FRY: variants seen among roughly 807,000 people sequenced by gnomAD.
FRY encodes protein furry homolog.
A neutral mutation model predicts 348.4 loss-of-function variants in FRY; 128 were observed. That is an observed-to-expected ratio of 0.37 (90% confidence interval 0.32 to 0.43). The LOEUF is 0.43. FRY is among the 20% of genes least tolerant of loss of function. The pLI, the probability that FRY is intolerant of heterozygous loss-of-function variation, is 1.00. For missense variants in FRY, 2,736 were observed against 3,695.2 expected, an observed-to-expected ratio of 0.74 and a Z score of 6.73; for synonymous variants, 1,370 against 1,374.7, an observed-to-expected ratio of 1.00 and a Z score of 0.08.
chr13:32,247,597 G>C, intron 48 of FRY, 95 bp downstream of exon 48: 4 of 990,712 alleles, frequency 4.0e-6, no homozygotes, highest in Middle Eastern at 2.5e-4. Flanking sequence ...AGACTTATTT[G>C]ACAGTTATTT....
rs1420586838 is a variant in FRY, at chr13:32,183,104, G to C, written c.3054+70G>C. The C allele has an allele frequency of 1.2e-5, 11 of 881,196 alleles. No individual in the cohort carries two copies. The Admixed American group carries it at 2.0e-4, about 16-fold the overall frequency. 54.6% of individuals were successfully genotyped at this position (881,196 alleles called of 1,614,324 possible). A position where few individuals can be genotyped will look rare whatever the true frequency, so the allele number is the denominator to read the frequency against. Reference sequence around the variant, plus strand: ...ATCATCTGAATTTAAATCAAACCTAGTGATTTCCCCTAAAGAATACAAACC... The same window carrying C: ...ATCATCTGAATTTAAATCAAACCTACTGATTTCCCCTAAAGAATACAAACC... On this transcript the variant is annotated intron_variant, in intron 24 of 60. Coordinates refer to ENST00000542859, the MANE Select transcript of FRY (RefSeq NM_023037.3).
intron 28 of FRY, among the ~76,000 whole-genome samples, chr13:32,188,257 T>C (rs1883139844): frequency 6.6e-6 from 1 of 152,152 alleles, no homozygotes; most frequent in Non-Finnish European, 1.5e-5. Flanking sequence ...ACTCCATGCC[T>C]AAAGAATCCA....
At chr13:32,277,251 G>A (rs1470226467) in intron 57 of FRY, among the ~76,000 whole-genome samples, 1 of 152,192 alleles carries the variant, frequency 6.6e-6, no homozygotes, top group East Asian at 1.9e-4. Flanking sequence ...TCACAGCTCA[G>A]TTATTTAACG....
rs9534052 is a variant in FRY at position 32,283,637 on chromosome 13, T to G, written c.8469+5089T>G. On this transcript the variant is annotated intron_variant, in intron 58 of 60. Transcript: ENST00000542859. The stretch of plus-strand genomic sequence containing the variant: ...TTTCTAAGCAATTTATTTCCAATAT[T>G]TGGGAAGTATATTTTGGGGCTCTTT... 4.0e-3 allele frequency among the ~76,000 whole-genome samples: 615 copies of G among 152,308 alleles called. 3 individuals are homozygous for G. The highest frequency in any genetic ancestry group is 0.011 in the South Asian group (54 of 4,818).
In FRY at chr13:32,278,512, A is replaced by G. The variant is rs777431526; in HGVS notation, c.8433A>G (p.Gly2811=). ...KATFAGGSRD[G]VITCQPGDSE... ...CATTTGCAGGGGGATCAAGAGATGG[A>G]GTAATTACCTGTCAACCAGGGGACT... Residue 2811 remains glycine, a synonymous_variant, in exon 58 of 61, where the codon GGA becomes GGG. Transcript: ENST00000542859. 2 of 1,599,694 alleles carry G rather than the reference A, an allele frequency of 1.3e-6. No homozygotes were observed. Among genetic ancestry groups the G allele is most frequent in the South Asian group, 1.1e-5 (1 of 90,792 alleles).
intron 22 of FRY, among the ~76,000 whole-genome samples, chr13:32,179,429 A>G (rs373093146): frequency 9.2e-5 from 14 of 152,060 alleles, no homozygotes; most frequent in African/African-American, 3.4e-4. Context: ...TTTTAAAAAG[A>G]AGACCGTTAT....
intron 39 of FRY, 109 bp from the exon 40 acceptor site, chr13:32,228,347 C>A: frequency 1.2e-6 from 1 of 861,936 alleles, no homozygotes; most frequent in Non-Finnish European, 2.0e-6. Flanking sequence ...ATTTTCTCCC[C>A]AGAATTTAAA....
chr13:32,109,801 G>A (rs4470027), intron 3 of FRY, among the ~76,000 whole-genome samples: 385 of 152,198 alleles, frequency 2.5e-3, no homozygotes, highest in African/African-American at 8.2e-3. Context: ...GAAAAATAAC[G>A]GGTTCAGTTT....
intron 2 of FRY, among the ~76,000 whole-genome samples, chr13:32,090,624 A>G (rs1002747391): frequency 2.0e-5 from 3 of 152,200 alleles, no homozygotes; most frequent in African/African-American, 7.2e-5. Flanking sequence ...GGGACAAATA[A>G]AATTGAAAAG....
At chr13:32,272,036 C>T (rs1225331461) in intron 55 of FRY, among the ~76,000 whole-genome samples, 1 of 152,158 alleles carries the variant, frequency 6.6e-6, no homozygotes, top group African/African-American at 2.4e-5. Context: ...AAAATGCATA[C>T]CTCCTATTTT....
At chr13:32,047,041 G>T (rs412226) in intron 1 of FRY, among the ~76,000 whole-genome samples, 87,963 of 151,616 alleles carry the variant, frequency 0.58, 26,233 homozygotes, top group Non-Finnish European at 0.64. Context: ...CTGTATATGG[G>T]TATATATGTA....
chr13:32,099,969 C>G (rs551055665), intron 2 of FRY, among the ~76,000 whole-genome samples: 1 of 152,034 alleles, frequency 6.6e-6, no homozygotes, highest in East Asian at 1.9e-4. Context: ...ATCACATGCC[C>G]CAAATTCACC....
At chr13:32,072,318 T>C (rs1204080186) in intron 1 of FRY, among the ~76,000 whole-genome samples, 2 of 152,230 alleles carry the variant, frequency 1.3e-5, no homozygotes, top group African/African-American at 2.4e-5. Flanking sequence ...AAAATTGTTT[T>C]TCGGTATTTT....
chr13:32,278,553 T>A lies in FRY; in HGVS notation c.8469+5T>A. On this transcript the variant is annotated splice_donor_5th_base_variant and intron_variant, in intron 58 of 60. Transcript: ENST00000542859. ...CCAGGGGACTCCGAAGAAAAGGTAATAAAAGCCTGTTAGAATGGGTCTCTT... is the reference window on the plus strand; with the variant it reads ...CCAGGGGACTCCGAAGAAAAGGTAAAAAAAGCCTGTTAGAATGGGTCTCTT... 1 of 1,445,056 alleles carries A rather than the reference T, an allele frequency of 6.9e-7. No homozygotes were observed. The highest frequency in any genetic ancestry group is 9.7e-7 in the Non-Finnish European group (1 of 1,025,804). The allele number at this position is 1,445,056 out of a possible 1,614,324, so 89.5% of individuals were successfully genotyped here.
chr13:32,145,267 T>C (rs542071150), intron 11 of FRY, among the ~76,000 whole-genome samples: 1 of 152,216 alleles, frequency 6.6e-6, no homozygotes, highest in South Asian at 2.1e-4. Flanking sequence ...AGGATTATAA[T>C]CGGTGTAAGA....
intron 2 of FRY, among the ~76,000 whole-genome samples, chr13:32,099,365 T>TAC (rs1279536507): frequency 6.6e-6 from 1 of 151,352 alleles, no homozygotes; most frequent in African/African-American, 2.4e-5. Context: ...CACTAACACA[T>TAC]ACACACACAC....
At chr13:32,199,333 T>C (rs1883867535) in intron 29 of FRY, among the ~76,000 whole-genome samples, 1 of 152,290 alleles carries the variant, frequency 6.6e-6, no homozygotes. Flanking sequence ...AGAGTAGTTG[T>C]TTATGATATG....
intron 16 of FRY, among the ~76,000 whole-genome samples, chr13:32,158,943 T>C (rs1379272997): frequency 5.8e-4 from 70 of 120,958 alleles, no homozygotes; most frequent in Non-Finnish European, 8.5e-4. Context: ...TGCATATAGC[T>C]GTTTCCTCAA....
chr13:32,073,361 T>G (rs974129046), intron 1 of FRY, among the ~76,000 whole-genome samples: 2 of 152,214 alleles, frequency 1.3e-5, no homozygotes, highest in Non-Finnish European at 2.9e-5. Flanking sequence ...TGGATTTTCT[T>G]AGACACCAAG....
Sources: gnomAD v4.1 joint callset for allele counts (sites outside exome capture counted in the v4.1 genomes callset) on GRCh38, gnomAD v4.1.1 for gene constraint, MANE v1.5 for transcripts, NCBI Gene and HGNC (gene_info 2026-07-23, HGNC 2026-07-21) for gene names.